The following MYH15 variants were observed in gnomAD, a reference collection of about 807,000 sequenced individuals.
MYH15 encodes myosin-15.
Under a neutral mutation model 240.5 loss-of-function variants are expected in MYH15, and 227 were observed. The ratio of observed to expected loss-of-function variants is 0.94; its 90% CI spans 0.85 to 1.05. The LOEUF (loss-of-function observed/expected upper bound fraction) is 1.05. Ranked by LOEUF, MYH15 falls within the 50% of genes least tolerant of loss-of-function variation. The pLI is 0.00. For missense variants in MYH15, 2,217 were observed against 2,247.5 expected, an observed-to-expected ratio of 0.99 and a Z score of 0.27; for synonymous variants, 785 against 796.7, an observed-to-expected ratio of 0.99 and a Z score of 0.25.
chr3:108,537,586 A>T, the MYH15 span, among the ~76,000 whole-genome samples: 1 of 152,170 alleles, frequency 6.6e-6, no homozygotes, highest in African/African-American at 2.4e-5. Context: ...CACAGCAACA[A>T]GGCAGCATCT....
intron 28 of MYH15, among the ~76,000 whole-genome samples, chr3:108,417,177 T>C (rs2082641237): frequency 1.3e-5 from 2 of 152,194 alleles, no homozygotes; most frequent in Admixed American, 6.5e-5. Flanking sequence ...ATGATATTAG[T>C]TACCATTTAT....
At chr3:108,423,541 G>A (rs1318263967) in intron 27 of MYH15, among the ~76,000 whole-genome samples, 1 of 152,198 alleles carries the variant, frequency 6.6e-6, no homozygotes, top group Non-Finnish European at 1.5e-5. Context: ...AGTGATCAAT[G>A]TGACAATTTT....
chr3:108,384,331 A>T (rs966810331), intron 39 of MYH15, among the ~76,000 whole-genome samples: 1 of 152,164 alleles, frequency 6.6e-6, no homozygotes, highest in African/African-American at 2.4e-5. Context: ...ACTGTGAACC[A>T]TGTTTATGTT....
chr3:108,545,695 ACACACAC>A, the MYH15 span, among the ~76,000 whole-genome samples: 1 of 75,624 alleles, frequency 1.3e-5, no homozygotes, highest in Non-Finnish European at 2.9e-5. Context: ...ATATACACAT[ACACACAC>A]ACACACACAC....
upstream of MYH15, chr3:108,510,721 T>A: frequency 1.2e-6 from 1 of 828,548 alleles, no homozygotes; most frequent in African/African-American, 1.7e-5. Flanking sequence ...TTCTTTCTCT[T>A]CGCTATGTCT....
At chr3:108,415,559 A>G (rs2082626307) in intron 29 of MYH15, among the ~76,000 whole-genome samples, 1 of 152,236 alleles carries the variant, frequency 6.6e-6, no homozygotes. Flanking sequence ...AAGAGCCCAA[A>G]AGAAATAAGG....
intron 22 of MYH15, among the ~76,000 whole-genome samples, chr3:108,442,496 G>A (rs1312689504): frequency 6.6e-6 from 1 of 152,140 alleles, no homozygotes; most frequent in Admixed American, 6.6e-5. Context: ...TTCACCCCAG[G>A]TTGACAAGCA....
chr3:108,469,964 G>A, intron 14 of MYH15, 78 bp downstream of exon 14: 1 of 1,418,552 alleles, frequency 7.0e-7, no homozygotes, highest in South Asian at 1.4e-5. Flanking sequence ...TAGGGCCTAA[G>A]TCCTGACATG....
intron 1 of MYH15, among the ~76,000 whole-genome samples, chr3:108,528,921 A>G (rs1230314916): frequency 1.3e-5 from 2 of 152,194 alleles, no homozygotes; most frequent in Non-Finnish European, 2.9e-5. Context: ...ACTCCATCCC[A>G]CTAAGTACAG....
intron 29 of MYH15, among the ~76,000 whole-genome samples, chr3:108,415,788 A>T (rs573797758): frequency 1.3e-4 from 20 of 152,304 alleles, no homozygotes; most frequent in Admixed American, 1.3e-3. Flanking sequence ...AAGCCAGGGC[A>T]GCTGGAGGGG....
intron 37 of MYH15, among the ~76,000 whole-genome samples, chr3:108,391,444 G>A (rs2082421883): frequency 6.6e-6 from 1 of 152,088 alleles, no homozygotes; most frequent in Admixed American, 6.6e-5. Context: ...AGACTGCCAG[G>A]GGTGTGTTTG....
intron 7 of MYH15, among the ~76,000 whole-genome samples, chr3:108,493,900 A>G (rs1576268006): frequency 6.6e-6 from 1 of 152,342 alleles, no homozygotes; most frequent in East Asian, 1.9e-4. Context: ...TATGTTTCAT[A>G]GCACACCTTG....
intron 9 of MYH15, among the ~76,000 whole-genome samples, chr3:108,491,699 C>T (rs976590796): frequency 6.6e-6 from 1 of 152,124 alleles, no homozygotes; most frequent in African/African-American, 2.4e-5. Flanking sequence ...CCTATTGCCG[C>T]ACCCCCCACA....
chr3:108,430,798 T>C lies in MYH15; in HGVS notation c.3312+34A>G, dbSNP rs1054176804. The C allele has an allele frequency of 2.3e-5, 34 of 1,507,150 alleles. No individual in the cohort carries two copies. The Middle Eastern group carries it at 5.1e-4, about 23-fold the overall frequency. 93.4% of individuals were successfully genotyped at this position (1,507,150 alleles called of 1,614,324 possible). ...ACCAGTCATCACCCATGGATCTAAA[T>C]ATAAATACACAGGCATATTTGATAA... is the stretch of plus-strand genomic sequence containing the variant. On this transcript the variant is annotated intron_variant, in intron 26 of 40. Coordinates refer to ENST00000693548, the MANE Select transcript of MYH15 (RefSeq NM_014981.3).
chr3:108,492,467 G>A, intron 9 of MYH15, 33 bp downstream of exon 9: 1 of 1,483,070 alleles, frequency 6.7e-7, no homozygotes, highest in Non-Finnish European at 9.3e-7. Context: ...TCTTGTTTTG[G>A]AATAACCCTA....
At chr3:108,414,461 G>A (rs751974602) in intron 29 of MYH15, 33 bp from the exon 30 acceptor site, 41 of 1,575,070 alleles carry the variant, frequency 2.6e-5, no homozygotes, top group Admixed American at 5.3e-5. Flanking sequence ...AAAAGGTCAT[G>A]ACCACCATGA....
At chr3:108,453,026 T>C (rs900362819) in intron 21 of MYH15, among the ~76,000 whole-genome samples, 13 of 152,204 alleles carry the variant, frequency 8.5e-5, no homozygotes, top group Admixed American at 2.6e-4. Flanking sequence ...GTATGCATTA[T>C]AGTATTTTCT....
At chr3:108,469,911 AT>A (rs2083156724) in intron 14 of MYH15, 130 bp downstream of exon 14, 1 of 841,208 alleles carries the variant, frequency 1.2e-6, no homozygotes, top group Non-Finnish European at 1.8e-6. Context: ...CACCATTAAG[AT>A]AAAATGTGCA....
chr3:108,437,753 C>T lies in MYH15; in HGVS notation c.3076-54G>A, dbSNP rs1027749160. 7.1e-6 allele frequency: 11 copies of T among 1,538,572 alleles called. No homozygotes were observed. The African/African-American group carries it at 8.5e-5, about 12-fold the overall frequency. ...ATAAATAGGTAGAGTTTATACTTCACTAGATGTGTTCATTAACCACTTACC... is the reference window on the plus strand; with the variant it reads ...ATAAATAGGTAGAGTTTATACTTCATTAGATGTGTTCATTAACCACTTACC... On this transcript the variant is annotated intron_variant, in intron 24 of 40. Transcript: ENST00000693548.
Sources: gnomAD v4.1 joint callset for allele counts (sites outside exome capture counted in the v4.1 genomes callset) on GRCh38, gnomAD v4.1.1 for gene constraint, MANE v1.5 for transcripts, NCBI Gene and HGNC (gene_info 2026-07-23, HGNC 2026-07-21) for gene names.